The following GRM5 variants were observed in gnomAD, a reference collection of about 807,000 sequenced individuals.
GRM5 encodes the protein metabotropic glutamate receptor 5.
A neutral mutation model predicts 83.1 loss-of-function variants in GRM5; 19 were observed. The ratio of observed to expected loss-of-function variants is 0.23; its 90% confidence interval spans 0.16 to 0.34. The LOEUF (loss-of-function observed/expected upper bound fraction) is 0.34. Among genes scored for constraint, GRM5 ranks in the 10% least tolerant of loss-of-function variants. The probability of loss-of-function intolerance (pLI) is 1.00; values close to 1 mark genes in which losing one functional copy is unlikely to be tolerated. For synonymous variants in GRM5, 675 were observed against 633.6 expected (o/e 1.07, Z -0.98); for missense variants, 1,160 against 1,588.3 (o/e 0.73, Z 4.58).
intron 2 of GRM5, among the ~76,000 whole-genome samples, chr11:88,932,272 A>C (rs1405060257): frequency 2.6e-5 from 4 of 152,112 alleles, no homozygotes; most frequent in Non-Finnish European, 5.9e-5. Flanking sequence ...TGACATAATA[A>C]ATTTGGATGC....
At chr11:88,873,139 T>G (rs1944797481) in intron 2 of GRM5, among the ~76,000 whole-genome samples, 1 of 150,870 alleles carries the variant, frequency 6.6e-6, no homozygotes, top group African/African-American at 2.4e-5. Context: ...GATAAAAGAG[T>G]CAATAGAGCA....
chr11:88,534,603 G>A (rs1176024562), intron 8 of GRM5, among the ~76,000 whole-genome samples: 3 of 152,182 alleles, frequency 2.0e-5, no homozygotes, highest in African/African-American at 2.4e-5. Context: ...AGGTGGAAAG[G>A]AGTTGCCTTG....
chr11:88,687,401 C>G (rs1456538821), intron 3 of GRM5, among the ~76,000 whole-genome samples: 1 of 144,208 alleles, frequency 6.9e-6, no homozygotes, highest in Non-Finnish European at 1.5e-5. Context: ...GGCATGAACC[C>G]GGGAGGCGGA....
intron 3 of GRM5, among the ~76,000 whole-genome samples, chr11:88,682,208 C>A (rs1039973753): frequency 6.6e-6 from 1 of 152,128 alleles, no homozygotes; most frequent in African/African-American, 2.4e-5. Flanking sequence ...CCAGGCCAGA[C>A]CTCTCTGCTT....
At chr11:88,990,374 C>T (rs1370839282) in intron 2 of GRM5, among the ~76,000 whole-genome samples, 2 of 150,320 alleles carry the variant, frequency 1.3e-5, no homozygotes, top group Non-Finnish European at 3.0e-5. Flanking sequence ...TAATCAATAG[C>T]TTACCAACCA....
chr11:89,025,759 T>C lies in GRM5; in HGVS notation c.661+21453A>G, dbSNP rs559357450. 3.9e-5 allele frequency among the ~76,000 whole-genome samples: 6 copies of C among 152,306 alleles called. No homozygotes were observed. The South Asian group carries it at 1.2e-3, about 32-fold the overall frequency. On this transcript the variant is annotated intron_variant, in intron 2 of 9. Coordinates refer to ENST00000305447, the MANE Select transcript of GRM5 (RefSeq NM_001143831.3). ...GGGATATAAATTTGTTTAGCTGCTATGCAAAACAGTTTGGTGATTTCTCAA... is the reference window on the plus strand; with the variant it reads ...GGGATATAAATTTGTTTAGCTGCTACGCAAAACAGTTTGGTGATTTCTCAA...
intron 3 of GRM5, among the ~76,000 whole-genome samples, chr11:88,665,200 G>A (rs965422292): frequency 5.3e-4 from 14 of 26,308 alleles, no homozygotes; most frequent in Non-Finnish European, 1.8e-3. Context: ...CATCCCTCTT[G>A]GAATTTCTTT....
At chr11:88,895,247 T>C (rs1417405155) in intron 2 of GRM5, among the ~76,000 whole-genome samples, 7 of 151,982 alleles carry the variant, frequency 4.6e-5, no homozygotes, top group Admixed American at 1.3e-4. Flanking sequence ...TTGTAACACA[T>C]AATTAAATAA....
intron 4 of GRM5, among the ~76,000 whole-genome samples, chr11:88,640,071 A>G (rs190809789): frequency 7.2e-5 from 11 of 152,230 alleles, no homozygotes; most frequent in African/African-American, 2.6e-4. Context: ...TTTATGTTCT[A>G]TTTCCTTAAT....
intron 2 of GRM5, among the ~76,000 whole-genome samples, chr11:88,901,909 A>C (rs867044662): frequency 1.3e-5 from 2 of 152,212 alleles, no homozygotes; most frequent in African/African-American, 2.4e-5. Flanking sequence ...TTAGGCAAAC[A>C]GCCAAAATAA....
intron 8 of GRM5, among the ~76,000 whole-genome samples, chr11:88,542,738 T>C (rs1365391234): frequency 6.6e-6 from 1 of 152,144 alleles, no homozygotes; most frequent in East Asian, 1.9e-4. Context: ...TTGGCTGTCA[T>C]AGACAAACAA....
chr11:88,705,242 A>T (rs7103549), intron 3 of GRM5, among the ~76,000 whole-genome samples: 2,496 of 152,054 alleles, frequency 0.016, 73 homozygotes, highest in African/African-American at 0.058. Flanking sequence ...GAGCTTGAAG[A>T]CTCAGCAGTG....
At chr11:88,658,015 C>A (rs1454693426) in intron 3 of GRM5, among the ~76,000 whole-genome samples, 3 of 151,946 alleles carry the variant, frequency 2.0e-5, no homozygotes, top group African/African-American at 2.4e-5. Context: ...GGTTTCAGAC[C>A]AGTACCTGTC....
intron 4 of GRM5, among the ~76,000 whole-genome samples, chr11:88,640,720 TA>T (rs1939266061): frequency 6.6e-6 from 1 of 152,158 alleles, no homozygotes; most frequent in Non-Finnish European, 1.5e-5. Flanking sequence ...AACTTACATT[TA>T]CCAGTTCATT....
chr11:88,516,000 T>C lies in GRM5; in HGVS notation c.2727-6496A>G, dbSNP rs142112602. ...CCTATGGCATCATATTTTACCTTCA[T>C]AACAGCTGTCTAGGATAGGATTTAT... On this transcript the variant is annotated intron_variant, in intron 9 of 9. Transcript: ENST00000305447. Among the ~76,000 whole-genome samples, 528 of 152,294 alleles carry C rather than the reference T, an allele frequency of 3.5e-3. 2 individuals carry two copies. Among genetic ancestry groups the C allele is most frequent in the African/African-American group, 0.012 (509 of 41,574 alleles).
intron 2 of GRM5, among the ~76,000 whole-genome samples, chr11:88,987,329 T>G (rs1264010474): frequency 6.6e-6 from 1 of 152,004 alleles, no homozygotes; most frequent in Non-Finnish European, 1.5e-5. Flanking sequence ...CACCACGAGA[T>G]TATATCCCCC....
chr11:88,984,907 T>C, intron 2 of GRM5: 1 of 633,016 alleles, frequency 1.6e-6, no homozygotes. Flanking sequence ...TTTATGTTGT[T>C]ATCAATGATA....
At chr11:89,051,860 T>C (rs1304423590) in intron 1 of GRM5, among the ~76,000 whole-genome samples, 10 of 152,242 alleles carry the variant, frequency 6.6e-5, no homozygotes, top group Admixed American at 5.2e-4. Context: ...AAGAAACCTG[T>C]AATAATCTAG....
intron 2 of GRM5, among the ~76,000 whole-genome samples, chr11:88,893,086 T>G (rs1178385672): frequency 6.6e-6 from 1 of 151,628 alleles, no homozygotes; most frequent in Non-Finnish European, 1.5e-5. Context: ...ACAGAGAGTT[T>G]CCACTGCTGT....
Sources: gnomAD v4.1 joint callset for allele counts (sites outside exome capture counted in the v4.1 genomes callset) on GRCh38, gnomAD v4.1.1 for gene constraint, MANE v1.5 for transcripts, NCBI Gene and HGNC (gene_info 2026-07-23, HGNC 2026-07-21) for gene names.